GANC: variants seen among roughly 807,000 people sequenced by gnomAD.
GANC encodes the protein glucosidase alpha, neutral C.
A neutral mutation model predicts 124.2 loss-of-function variants in GANC; 117 were observed. The ratio of observed to expected loss-of-function variants is 0.94; its 90% CI spans 0.81 to 1.10. The LOEUF (loss-of-function observed/expected upper bound fraction) is 1.10. GANC is among the 50% of genes least tolerant of loss of function. GANC has a pLI of 0.00. For missense variants in GANC, 1,140 were observed against 1,095.0 expected, an observed-to-expected ratio of 1.04 and a Z score of -0.58; for synonymous variants, 377 against 376.8, an observed-to-expected ratio of 1.00 and a Z score of -0.01.
intron 11 of GANC, among the ~76,000 whole-genome samples, chr15:42,324,829 A>G (rs1211331671): frequency 6.6e-6 from 1 of 152,206 alleles, no homozygotes; most frequent in Admixed American, 6.5e-5. Flanking sequence ...TTTAATGAGT[A>G]TAAAGGTTTA....
intron 6 of GANC, among the ~76,000 whole-genome samples, chr15:42,304,854 T>A (rs2051978121): frequency 6.6e-6 from 1 of 152,042 alleles, no homozygotes; most frequent in Non-Finnish European, 1.5e-5. Context: ...ACAAAAGCAA[T>A]GGGGAAAGGA....
At chr15:42,304,380 A>G (rs1174780184) in intron 6 of GANC, among the ~76,000 whole-genome samples, 1 of 152,352 alleles carries the variant, frequency 6.6e-6, no homozygotes, top group Non-Finnish European at 1.5e-5. Flanking sequence ...AATTTGTAGC[A>G]TTAAATGCCC....
intron 20 of GANC, among the ~76,000 whole-genome samples, chr15:42,346,835 A>G (rs1282768312): frequency 1.3e-5 from 2 of 152,200 alleles, no homozygotes; most frequent in East Asian, 1.9e-4. Context: ...CTTTCTTTCT[A>G]CACCTGAATT....
At chr15:42,330,003 T>C (rs1474826856) in intron 14 of GANC, among the ~76,000 whole-genome samples, 1 of 152,242 alleles carries the variant, frequency 6.6e-6, no homozygotes, top group Non-Finnish European at 1.5e-5. Context: ...TGGCAGACAC[T>C]TGACCTCATG....
chr15:42,308,344 G>C, intron 8 of GANC, 26 bp downstream of exon 8: 1 of 1,442,460 alleles, frequency 6.9e-7, no homozygotes, highest in Non-Finnish European at 9.7e-7. Flanking sequence ...AATTCTTATG[G>C]GAGTCTCTGG....
rs747507030 is a variant in GANC at position 42,274,075 on chromosome 15, G to T, written c.-407G>T. 3 of 236,274 alleles carry T rather than the reference G, an allele frequency of 1.3e-5. No homozygotes were observed. Among genetic ancestry groups the T allele is most frequent in the Non-Finnish European group, 2.5e-5 (3 of 119,776 alleles). The allele number at this position is 236,274 out of a possible 1,614,324, so 14.6% of individuals were successfully genotyped here. A position where few individuals can be genotyped will look rare whatever the true frequency, so the allele number is the denominator to read the frequency against. On this transcript the variant is annotated 5_prime_UTR_variant, in exon 1 of 24. Transcript: ENST00000318010. ...TTTTCAAAATCTGTGGCGTGACCCCGCCACTGAGATAGATCTGCAGATGCT... is the reference window on the plus strand; with the variant it reads ...TTTTCAAAATCTGTGGCGTGACCCCTCCACTGAGATAGATCTGCAGATGCT...
chr15:42,282,229 G>T lies in GANC; in HGVS notation c.201+3639G>T, dbSNP rs190369999. Among the ~76,000 whole-genome samples, 258 of 152,264 alleles carry T rather than the reference G, an allele frequency of 1.7e-3. 1 individual carries two copies. Among genetic ancestry groups the T allele is most frequent in the Non-Finnish European group, 2.0e-3 (136 of 68,014 alleles). On this transcript the variant is annotated intron_variant, in intron 3 of 23. Coordinates refer to ENST00000318010, the MANE Select transcript of GANC (RefSeq NM_198141.3). ...CCAGCTACTCAGGAGGCTGAGGCAGGAGAATTGCTTGAACCTGGGAGTCAG... is the reference window on the plus strand; with the variant it reads ...CCAGCTACTCAGGAGGCTGAGGCAGTAGAATTGCTTGAACCTGGGAGTCAG...
At position 42,278,604 on chromosome 15, in the gene GANC, A is replaced by G. The variant is rs1298745729; in HGVS notation, c.201+14A>G. On this transcript the variant is annotated intron_variant, in intron 3 of 23. Coordinates refer to ENST00000318010, the MANE Select transcript of GANC (RefSeq NM_198141.3). ...GAAGCAAGTAAGGTGAGATGGAAGT[A>G]TTTTCTACAGAGAATAATTTGTTTC... is the stretch of plus-strand genomic sequence containing the variant. 1.9e-6 allele frequency: 3 copies of G among 1,542,000 alleles called. No homozygotes were observed. The highest frequency in any genetic ancestry group is 2.7e-6 in the Non-Finnish European group (3 of 1,117,152).
At position 42,310,704 on chromosome 15, in the gene GANC, C is replaced by A; in HGVS notation, c.915C>A (p.Thr305=). The change falls in exon 10 of 24, where the codon ACC becomes ACA. Residue 305 remains threonine, a synonymous_variant. Transcript: ENST00000318010. ...NTEPAVEYTL[T]QMGPVAAKQK... is the part of the protein sequence containing the mutation. The stretch of plus-strand genomic sequence containing the variant: ...CATTCTTTTTCCAGTACACACTGAC[C>A]CAGATGGGCCCAGTTGCTGCTAAAC... 1 of 1,610,804 alleles carries A rather than the reference C, an allele frequency of 6.2e-7. No homozygotes were observed. Among genetic ancestry groups the A allele is most frequent in the Non-Finnish European group, 8.5e-7 (1 of 1,177,140 alleles).
intron 4 of GANC, among the ~76,000 whole-genome samples, chr15:42,291,502 C>T (rs2051841822): frequency 6.6e-6 from 1 of 152,092 alleles, no homozygotes; most frequent in Non-Finnish European, 1.5e-5. Context: ...ATTCTGTTCC[C>T]CACGAGAATC....
chr15:42,313,969 A>ACAACAACAACAG (rs2052079932), intron 10 of GANC: 1 of 656,610 alleles, frequency 1.5e-6, no homozygotes, highest in Non-Finnish European at 2.7e-6. Flanking sequence ...AACAGCAACA[A>ACAACAACAACAG]CAACAACAAA....
chr15:42,310,604 T>C (rs1213500876), intron 9 of GANC, 89 bp from the exon 10 acceptor site: 1 of 1,516,166 alleles, frequency 6.6e-7, no homozygotes, highest in Non-Finnish European at 9.0e-7. Flanking sequence ...CAGTAGTATC[T>C]ACTAAAGGAT....
At chr15:42,301,228 G>A (rs957023801) in intron 6 of GANC, among the ~76,000 whole-genome samples, 1 of 152,016 alleles carries the variant, frequency 6.6e-6, no homozygotes, top group Non-Finnish European at 1.5e-5. Context: ...AAGCAGGGTG[G>A]GGCATTGCCT....
In GANC at chr15:42,273,630, A is replaced by T. The variant is rs570365135; in HGVS notation, c.-852A>T. ...GAACCTGGTCAGCTGGGTTAGAGAG[A>T]TCGCTACATGCCAGCCTGGCCTGAG... On this transcript the variant is annotated 5_prime_UTR_variant, in exon 1 of 24. Coordinates refer to ENST00000318010, the MANE Select transcript of GANC (RefSeq NM_198141.3). The T allele has an allele frequency of 1.1e-5, 7 of 635,418 alleles. No individual in the cohort carries two copies. Among genetic ancestry groups the T allele is most frequent in the Middle Eastern group, 4.4e-4 (1 of 2,254 alleles). 39.4% of individuals were successfully genotyped at this position (635,418 alleles called of 1,614,324 possible).
intron 3 of GANC, chr15:42,280,955 C>CT: frequency 1.4e-6 from 1 of 702,482 alleles, no homozygotes; most frequent in Non-Finnish European, 2.6e-6. Flanking sequence ...CTCTGGATGC[C>CT]TTCAAAGGCA....
chr15:42,347,003 T>C (rs1040784223), intron 20 of GANC, among the ~76,000 whole-genome samples: 2 of 152,170 alleles, frequency 1.3e-5, no homozygotes, highest in African/African-American at 2.4e-5. Flanking sequence ...AACAATTATC[T>C]ACTCTAATCC....
Position 42,273,268 on chromosome 15 carries a change from A to C in GANC, c.-1214A>C. The stretch of plus-strand genomic sequence containing the variant: ...GTGAATACTCACCGACGGTATCGGA[A>C]TGTGCCATTTGGACCGGTCGGCAGC... On this transcript the variant is annotated 5_prime_UTR_variant, in exon 1 of 24. An upstream start codon of the reference 5' UTR is lost. Transcript: ENST00000318010. 6.2e-7 allele frequency: 1 copy of C among 1,613,518 alleles called. No homozygotes were observed. The highest frequency in any genetic ancestry group is 1.1e-5 in the South Asian group (1 of 91,030).
intron 10 of GANC, among the ~76,000 whole-genome samples, chr15:42,319,515 TTTTATTTA>T (rs145522791): frequency 9.9e-5 from 15 of 151,066 alleles, no homozygotes; most frequent in Admixed American, 9.9e-4. Context: ...AGCTAATTCT[TTTTATTTA>T]TTTATTTTAA....
At chr15:42,291,356 C>T (rs2051839301) in intron 4 of GANC, among the ~76,000 whole-genome samples, 1 of 152,156 alleles carries the variant, frequency 6.6e-6, no homozygotes, top group South Asian at 2.1e-4. Context: ...CTGAACTCAG[C>T]TATGGATTCT....
Sources: gnomAD v4.1 joint callset for allele counts (sites outside exome capture counted in the v4.1 genomes callset) on GRCh38, gnomAD v4.1.1 for gene constraint, MANE v1.5 for transcripts, NCBI Gene and HGNC (gene_info 2026-07-23, HGNC 2026-07-21) for gene names.